ABCB4: variants seen among roughly 807,000 people sequenced by gnomAD.
The protein encoded by ABCB4 is phosphatidylcholine translocator ABCB4.
A neutral mutation model predicts 145.7 loss-of-function variants in ABCB4; 76 were observed. The observed-to-expected ratio is 0.52, with a 90% CI of 0.43 to 0.63. The LOEUF (loss-of-function observed/expected upper bound fraction) is 0.63. ABCB4 is among the 30% of genes least tolerant of loss of function. The pLI is 0.00. For missense variants in ABCB4, 1,234 were observed against 1,553.1 expected (o/e 0.79, Z 3.45); for synonymous variants, 517 against 566.8 (o/e 0.91, Z 1.25).
the ABCB4 span, among the ~76,000 whole-genome samples, chr7:87,386,857 G>T: frequency 2.0e-5 from 3 of 152,076 alleles, no homozygotes; most frequent in Non-Finnish European, 2.9e-5. Flanking sequence ...CATTGTCTCT[G>T]GCTGCCTTTA....
At chr7:87,408,283 G>A (rs1371079534) in intron 24 of ABCB4, 49 bp from the exon 25 acceptor site, 7 of 1,539,064 alleles carry the variant, frequency 4.5e-6, no homozygotes, top group Middle Eastern at 1.7e-4. Context: ...GATAATTATT[G>A]GAATAAGAAA....
intron 22 of ABCB4, among the ~76,000 whole-genome samples, chr7:87,412,441 T>C (rs1461035238): frequency 6.6e-6 from 1 of 152,208 alleles, no homozygotes; most frequent in Non-Finnish European, 1.5e-5. Context: ...CTGTAACTAA[T>C]TGTACTCTGT....
At chr7:87,442,252 A>G (rs1811040234) in intron 12 of ABCB4, among the ~76,000 whole-genome samples, 1 of 152,056 alleles carries the variant, frequency 6.6e-6, no homozygotes, top group African/African-American at 2.4e-5. Flanking sequence ...CCCCATAGTA[A>G]TATCAGATTT....
chr7:87,454,690 G>A, intron 4 of ABCB4, 98 bp from the exon 5 acceptor site: 1 of 858,546 alleles, frequency 1.2e-6, no homozygotes, highest in Non-Finnish European at 1.9e-6. Flanking sequence ...ATGTATGAAA[G>A]CTAGAAGATG....
chr7:87,447,164 T>C lies in ABCB4; in HGVS notation c.875A>G (p.Lys292Arg), dbSNP rs201286053. 7.4e-6 allele frequency: 12 copies of C among 1,613,898 alleles called. No homozygotes were observed. The highest frequency in any genetic ancestry group is 1.3e-5 in the African/African-American group (1 of 74,934). ...GGAAATGTTTGCTGAAATAGCTTTT[T>C]TAATTCCAATCTCTTTGGCATTTTC... is the stretch of plus-strand genomic sequence containing the variant. ...HLENAKEIGI[K>R]KAISANISMG... The change falls in exon 9 of 28, where the codon AAA (lysine) becomes AGA (arginine). Residue 292 changes from lysine to arginine, a missense_variant. This residue lies in a region of ABCB4 where 467 missense variants were observed against 632.8 expected (regional missense o/e 0.74). Coordinates refer to ENST00000649586, the MANE Select transcript of ABCB4 (RefSeq NM_000443.4).
chr7:87,444,355 A>T (rs1399902622), intron 10 of ABCB4, among the ~76,000 whole-genome samples: 1 of 152,242 alleles, frequency 6.6e-6, no homozygotes, highest in Non-Finnish European at 1.5e-5. Context: ...GAATGCAGTG[A>T]CTTACTTTTT....
chr7:87,392,803 G>A, the ABCB4 span: 35 of 1,613,374 alleles, frequency 2.2e-5, no homozygotes, highest in Middle Eastern at 3.3e-4. Flanking sequence ...AACTCTTTAC[G>A]GACCCACTTT....
chr7:87,439,927 CTTTG>C, intron 13 of ABCB4, 90 bp from the exon 14 acceptor site: 1 of 1,530,796 alleles, frequency 6.5e-7, no homozygotes, highest in Non-Finnish European at 9.0e-7. Flanking sequence ...CAACATGGAG[CTTTG>C]TCTTAACTAT....
chr7:87,382,668 A>G, the ABCB4 span: 2,207 of 889,196 alleles, frequency 2.5e-3, 37 homozygotes, highest in African/African-American at 0.032. Flanking sequence ...ACTGTGTCCT[A>G]TTTGTACTTC....
At chr7:87,404,085 A>G (rs1222514753) in intron 26 of ABCB4, among the ~76,000 whole-genome samples, 1 of 152,196 alleles carries the variant, frequency 6.6e-6, no homozygotes, top group Non-Finnish European at 1.5e-5. Flanking sequence ...CTGAAGCTGT[A>G]AATTTTTCTA....
chr7:87,472,576 T>G (rs1813496739), intron 3 of ABCB4, 45 bp downstream of exon 3: 2 of 1,502,090 alleles, frequency 1.3e-6, no homozygotes, highest in Admixed American at 1.7e-5. Context: ...ACCTCAAATT[T>G]GAATAAAAGG....
the ABCB4 span, among the ~76,000 whole-genome samples, chr7:87,383,295 C>G: frequency 6.6e-6 from 1 of 152,112 alleles, no homozygotes; most frequent in African/African-American, 2.4e-5. Flanking sequence ...TGTTAACCAC[C>G]ATTTTACTGT....
Position 87,424,031 on chromosome 7 carries a change from A to C in ABCB4, c.2086T>G (p.Ser696Ala), listed in dbSNP as rs759947687. 1 of 1,614,056 alleles carries C rather than the reference A, an allele frequency of 6.2e-7. No homozygotes were observed. Among genetic ancestry groups the C allele is most frequent in the South Asian group, 1.1e-5 (1 of 91,088 alleles). Reference sequence around the variant, plus strand: ...TTCAGTTTCAGGACCTTCAGAAAGGACACTGGTGGCACATTTGCTTCCTAG... The same window carrying C: ...TTCAGTTTCAGGACCTTCAGAAAGGCCACTGGTGGCACATTTGCTTCCTAG... ...DGLEANVPPVSFLKVLKLNKT... is the reference protein window; with the variant it reads ...DGLEANVPPVAFLKVLKLNKT... Residue 696 changes from serine (S) to alanine (A), a missense_variant, in exon 17 of 28, where the codon TCC (serine) becomes GCC (alanine). Around this residue, in one of 7 missense-constraint regions of ABCB4, gnomAD observed 321 missense variants for 332.6 expected, o/e 0.97. Transcript: ENST00000649586.
the ABCB4 span, chr7:87,369,451 A>T: frequency 6.2e-7 from 1 of 1,613,020 alleles, no homozygotes; most frequent in Non-Finnish European, 8.5e-7. Flanking sequence ...GTAATACATG[A>T]AGGATGTTTG....
chr7:87,420,552 T>C (rs1809345244), intron 18 of ABCB4, among the ~76,000 whole-genome samples: 1 of 152,200 alleles, frequency 6.6e-6, no homozygotes, highest in South Asian at 2.1e-4. Flanking sequence ...CTTGATGTGG[T>C]CATTGGGTTG....
intron 14 of ABCB4, among the ~76,000 whole-genome samples, chr7:87,433,669 G>GTTTTTTTTTTTTTTTTTT (rs752621529): frequency 8.1e-6 from 1 of 124,052 alleles, no homozygotes; most frequent in Non-Finnish European, 1.6e-5. Context: ...ACAAAAAATT[G>GTTTTTTTTTTTTTTTTTT]TTGTTGTTTT....
At chr7:87,474,310 T>C (rs1813637274) in intron 2 of ABCB4, among the ~76,000 whole-genome samples, 1 of 152,260 alleles carries the variant, frequency 6.6e-6, no homozygotes, top group Non-Finnish European at 1.5e-5. Context: ...TTCTATTGCG[T>C]GTGTAAGTAC....
At chr7:87,444,841 C>A (rs745419410) in intron 10 of ABCB4, 21 bp downstream of exon 10, 4 of 1,568,496 alleles carry the variant, frequency 2.6e-6, no homozygotes, top group Non-Finnish European at 3.5e-6. Context: ...TCTTTTGGCA[C>A]TAAAATAATA....
At chr7:87,377,506 A>G in the ABCB4 span, 1 of 996,748 alleles carries the variant, frequency 1.0e-6, no homozygotes, top group Admixed American at 1.8e-5. Flanking sequence ...ATTAATGACA[A>G]TAAACCATAA....
Sources: allele counts gnomAD v4.1 joint callset (sites outside exome capture counted in the v4.1 genomes callset), GRCh38; gene constraint gnomAD v4.1.1; regional missense constraint gnomAD v4.1.1; transcripts MANE v1.5; gene names NCBI Gene and HGNC (gene_info 2026-07-23, HGNC 2026-07-21).